Variants in FAM83E observed in about 807,000 individuals in gnomAD.
FAM83E encodes the protein scaffolding CK1 anchoring protein E.
Under a neutral mutation model 34.3 loss-of-function variants are expected in FAM83E, and 29 were observed. That is an observed-to-expected ratio of 0.85 (90% CI 0.63 to 1.15). The LOEUF (loss-of-function observed/expected upper bound fraction) is 1.15. Among genes scored for constraint, FAM83E ranks in the 50% most tolerant of loss-of-function variants. The pLI is 0.00. For missense variants in FAM83E, 697 were observed against 685.0 expected (o/e 1.02, Z -0.20); for synonymous variants, 312 against 311.6 (o/e 1.00, Z -0.01).
rs755930716 is a variant in FAM83E at position 48,600,796 on chromosome 19, C to T, written c.*313G>A. The T allele has an allele frequency of 1.2e-4, 31 of 256,400 alleles. No homozygotes were observed. Among genetic ancestry groups the T allele is most frequent in the Non-Finnish European group, 2.0e-4 (28 of 138,090 alleles). 15.9% of individuals were successfully genotyped at this position (256,400 alleles called of 1,614,324 possible). On this transcript the variant is annotated 3_prime_UTR_variant, in exon 7 of 7. Transcript: ENST00000263266. ...CCTCCTGCGTAGCTGGGACCACAGG[C>T]GTGCGCCACCACACCCAACTAATTT...
intron 5 of FAM83E, among the ~76,000 whole-genome samples, chr19:48,609,268 T>TC (rs941217663): frequency 6.5e-5 from 6 of 92,290 alleles, no homozygotes; most frequent in Admixed American, 2.9e-4. Flanking sequence ...TTTCTTTCTT[T>TC]TTTTTTTTTT....
intron 3 of FAM83E, 98 bp downstream of exon 3, chr19:48,612,810 A>C: frequency 2.2e-6 from 3 of 1,338,208 alleles, no homozygotes; most frequent in African/African-American, 1.5e-5. Flanking sequence ...CCTTTAGGGT[A>C]GGGGTGTGCG....
In FAM83E at chr19:48,614,180, C is replaced by G; in HGVS notation, c.-808G>C. 1.0e-6 allele frequency: 1 copy of G among 985,848 alleles called. No individual in the cohort carries two copies. The allele number at this position is 985,848 out of a possible 1,614,324, so 61.1% of individuals were successfully genotyped here. A position where few individuals can be genotyped will look rare whatever the true frequency, so the allele number is the denominator to read the frequency against. ...TCAATGGGGGACCCTGCTCCCTGGA[C>G]CCTCCTCACACTCCTTCCAGCTGCT... is the stretch of plus-strand genomic sequence containing the variant. On this transcript the variant is annotated 5_prime_UTR_variant, in exon 3 of 7. Coordinates refer to ENST00000263266, the MANE Select transcript of FAM83E (RefSeq NM_017708.4).
chr19:48,614,146 C>A lies in FAM83E; in HGVS notation c.-774G>T. 1 of 985,890 alleles carries A rather than the reference C, an allele frequency of 1.0e-6. No individual in the cohort carries two copies. The highest frequency in any genetic ancestry group is 1.2e-6 in the Non-Finnish European group (1 of 830,286). The allele number at this position is 985,890 out of a possible 1,614,324, so 61.1% of individuals were successfully genotyped here. A position where few individuals can be genotyped will look rare whatever the true frequency, so the allele number is the denominator to read the frequency against. On this transcript the variant is annotated 5_prime_UTR_variant, in exon 3 of 7. Transcript: ENST00000263266. ...AGGCCGAAGGCTTGGCAAACCCTTC[C>A]CTACCCTGTCAATGGGGGACCCTGC...
At chr19:48,609,022 G>C (rs559238646) in intron 5 of FAM83E, among the ~76,000 whole-genome samples, 2 of 152,056 alleles carry the variant, frequency 1.3e-5, no homozygotes, top group Non-Finnish European at 2.9e-5. Flanking sequence ...CAGCCCGAGC[G>C]TGGGTGCCAC....
In FAM83E at chr19:48,610,701, C is replaced by T; in HGVS notation, c.612G>A (p.Gly204=). 6.4e-7 allele frequency: 1 copy of T among 1,574,768 alleles called. No homozygotes were observed. Among genetic ancestry groups the T allele is most frequent in the South Asian group, 1.2e-5 (1 of 85,908 alleles). The part of the protein sequence containing the change: ...PAFLELAQQL[G]VNPWNTENVD... The stretch of plus-strand genomic sequence containing the variant: ...CTACCTCCGTGTTCCAGGGGTTCAC[C>T]CCCAGCTGCTGGGCCAGTTCCAGGA... Residue 204 remains glycine, a synonymous_variant, in exon 4 of 7, where the codon GGG becomes GGA. Coordinates refer to ENST00000263266, the MANE Select transcript of FAM83E (RefSeq NM_017708.4).
chr19:48,602,002 C>A (rs192134799), intron 6 of FAM83E, among the ~76,000 whole-genome samples: 1 of 150,174 alleles, frequency 6.7e-6, no homozygotes, highest in African/African-American at 2.5e-5. Context: ...ATTAGCCAGG[C>A]GTGGTGGCGT....
intron 5 of FAM83E, among the ~76,000 whole-genome samples, chr19:48,604,521 G>T (rs1973890792): frequency 6.7e-6 from 1 of 150,322 alleles, no homozygotes; most frequent in African/African-American, 2.4e-5. Context: ...TAGTAGAGAT[G>T]GGGTTTCACC....
intron 5 of FAM83E, among the ~76,000 whole-genome samples, chr19:48,606,305 T>C (rs1193016546): frequency 6.6e-6 from 1 of 152,116 alleles, no homozygotes; most frequent in East Asian, 1.9e-4. Context: ...AGTGAGAGAC[T>C]CCGTCTCAAA....
intron 5 of FAM83E, among the ~76,000 whole-genome samples, chr19:48,606,450 A>T: frequency 8.9e-6 from 1 of 112,132 alleles, no homozygotes; most frequent in African/African-American, 4.6e-5. Flanking sequence ...CCCTGGATAC[A>T]TCACTTTCCC....
chr19:48,610,084 G>A (rs1974014886), intron 4 of FAM83E, 84 bp from the exon 5 acceptor site: 1 of 1,526,344 alleles, frequency 6.6e-7, no homozygotes, highest in African/African-American at 1.4e-5. Context: ...TTCTAACTGG[G>A]GGACCCATGA....
chr19:48,602,720 T>A (rs867078005), intron 6 of FAM83E, among the ~76,000 whole-genome samples: 6,600 of 40,478 alleles, frequency 0.16, 1,615 homozygotes, highest in Non-Finnish European at 0.2. Context: ...TATATATATA[T>A]ATATATATAT....
chr19:48,610,903 C>A (rs1450003755), intron 3 of FAM83E, 56 bp from the exon 4 acceptor site: 5 of 1,525,724 alleles, frequency 3.3e-6, no homozygotes, highest in Non-Finnish European at 4.4e-6. Flanking sequence ...TCAGGGGACA[C>A]TCAGAGGGTG....
In FAM83E at chr19:48,610,796, A is replaced by G. The variant is rs552571094; in HGVS notation, c.517T>C (p.Leu173=). The change falls in exon 4 of 7, where the codon TTG becomes CTG. Residue 173 remains leucine (L), a synonymous_variant. Transcript: ENST00000263266. ...VFTDPDLLLD[L]VDAATRRWVP... is the part of the protein sequence containing the mutation. ...CAGCGGCGCGTGGCAGCATCCACCA[A>G]GTCCAAAAGCAGGTCTGGGTCAGTG... is the stretch of plus-strand genomic sequence containing the variant. 6.3e-7 allele frequency: 1 copy of G among 1,593,024 alleles called. No homozygotes were observed. Among genetic ancestry groups the G allele is most frequent in the Non-Finnish European group, 8.5e-7 (1 of 1,169,796 alleles).
chr19:48,605,588 G>A (rs1403568501), intron 5 of FAM83E, among the ~76,000 whole-genome samples: 3 of 144,256 alleles, frequency 2.1e-5, no homozygotes, highest in East Asian at 4.2e-4. Context: ...TTTTTTTTGA[G>A]ATGGAGTCTT....
intron 5 of FAM83E, 46 bp downstream of exon 5, chr19:48,609,830 T>C (rs199936213): frequency 8.8e-6 from 14 of 1,586,250 alleles, no homozygotes; most frequent in African/African-American, 2.7e-5. Context: ...TGAGGGAAAG[T>C]GGGGTATAGG....
In FAM83E at chr19:48,600,532, C is replaced by A. The variant is rs1045331198; in HGVS notation, c.*577G>T. On this transcript the variant is annotated 3_prime_UTR_variant, in exon 7 of 7. Coordinates refer to ENST00000263266, the MANE Select transcript of FAM83E (RefSeq NM_017708.4). Reference sequence around the variant, plus strand: ...TGTATTTGGTAGAGATGGGGTTTCACCATGTTGGTCAGGTTGGTCTTGAAC... The same window carrying A: ...TGTATTTGGTAGAGATGGGGTTTCAACATGTTGGTCAGGTTGGTCTTGAAC... Among the ~76,000 whole-genome samples, 7 of 151,962 alleles carry A rather than the reference C, an allele frequency of 4.6e-5. No homozygotes were observed. The highest frequency in any genetic ancestry group is 1.0e-4 in the Non-Finnish European group (7 of 67,988).
intron 4 of FAM83E, among the ~76,000 whole-genome samples, 160 bp downstream of exon 4, chr19:48,610,520 T>C (rs1223490415): frequency 9.3e-5 from 14 of 151,278 alleles, no homozygotes; most frequent in African/African-American, 3.4e-4. Context: ...TCCTTGGGAA[T>C]GCCCACCCCC....
In FAM83E at chr19:48,601,268, C is replaced by G. The variant is rs758345361; in HGVS notation, c.1278G>C (p.Pro426=). 11 of 1,592,894 alleles carry G rather than the reference C, an allele frequency of 6.9e-6. No individual in the cohort carries two copies. Among genetic ancestry groups the G allele is most frequent in the Non-Finnish European group, 9.4e-6 (11 of 1,169,438 alleles). The change falls in exon 7 of 7, where the codon CCG becomes CCC. Residue 426 remains proline (P), a synonymous_variant. Coordinates refer to ENST00000263266, the MANE Select transcript of FAM83E (RefSeq NM_017708.4). ...GPWGEVDSRP[P]WGGALPLPPA... is the part of the protein sequence containing the mutation. ...GGGGCAGGGGCAGGGCACCGCCCCACGGAGGTCGGGAGTCCACTTCCCCCC... is the reference window on the plus strand; with the variant it reads ...GGGGCAGGGGCAGGGCACCGCCCCAGGGAGGTCGGGAGTCCACTTCCCCCC...
Sources: allele counts gnomAD v4.1 joint callset (sites outside exome capture counted in the v4.1 genomes callset), GRCh38; gene constraint gnomAD v4.1.1; transcripts MANE v1.5; gene names NCBI Gene and HGNC (gene_info 2026-07-23, HGNC 2026-07-21).